STX2: variants seen among roughly 807,000 people sequenced by gnomAD.
The protein encoded by STX2 is syntaxin-2.
A neutral mutation model predicts 40.6 loss-of-function variants in STX2; 27 were observed. The ratio of observed to expected loss-of-function variants is 0.66; its 90% CI spans 0.49 to 0.92. STX2 has a LOEUF of 0.92. Among genes scored for constraint, STX2 ranks in the 40% least tolerant of loss-of-function variants. STX2 has a pLI of 0.00. For missense variants in STX2, 328 were observed against 366.1 expected (o/e 0.90, Z 0.85); for synonymous variants, 123 against 119.1 (o/e 1.03, Z -0.22).
intron 9 of STX2, among the ~76,000 whole-genome samples, chr12:130,797,440 G>A (rs1951064322): frequency 6.6e-6 from 1 of 152,180 alleles, no homozygotes; most frequent in Non-Finnish European, 1.5e-5. Flanking sequence ...AGCATACTTA[G>A]ACATACCCAG....
chr12:130,811,981 G>A (rs917751449), intron 4 of STX2, among the ~76,000 whole-genome samples: 10 of 152,194 alleles, frequency 6.6e-5, no homozygotes, highest in Non-Finnish European at 1.5e-4. Context: ...AAATTCAGAG[G>A]ACGGCAGAGC....
At chr12:130,828,472 T>C (rs1952414882) in intron 1 of STX2, among the ~76,000 whole-genome samples, 2 of 143,918 alleles carry the variant, frequency 1.4e-5, no homozygotes, top group South Asian at 4.6e-4. Flanking sequence ...ACTCCTGAGC[T>C]CATGCAATCC....
chr12:130,796,051 C>T lies in STX2; in HGVS notation c.856G>A (p.Val286Ile). The T allele has an allele frequency of 1.2e-6, 2 of 1,614,184 alleles. No individual in the cohort carries two copies. Among genetic ancestry groups the T allele is most frequent in the Non-Finnish European group, 1.7e-6 (2 of 1,180,034 alleles). Residue 286 changes from valine (V) to isoleucine (I), a missense_variant, in exon 10 of 11, where the codon GTT becomes ATT. Val to Ile is a conservative substitution (Grantham distance 29). Coordinates refer to ENST00000392373, the MANE Select transcript of STX2 (RefSeq NM_194356.4). ...CGTTATCCACACCATCATTTGCCAACTGACAAGCCAATAATTAGAGCGATT... is the reference window on the plus strand; with the variant it reads ...CGTTATCCACACCATCATTTGCCAATTGACAAGCCAATAATTAGAGCGATT... ...AIIALIIGLS[V>I]GK
At chr12:130,799,570 C>T (rs987656198) in intron 8 of STX2, among the ~76,000 whole-genome samples, 1 of 152,062 alleles carries the variant, frequency 6.6e-6, no homozygotes, top group Admixed American at 6.5e-5. Flanking sequence ...TGAATGGCAA[C>T]GGGGCCCCCA....
intron 10 of STX2, among the ~76,000 whole-genome samples, chr12:130,795,528 T>C (rs1951001315): frequency 6.6e-6 from 1 of 152,170 alleles, no homozygotes; most frequent in Admixed American, 6.5e-5. Flanking sequence ...GGGCCAGGAA[T>C]TCGAGACCAG....
intron 6 of STX2, among the ~76,000 whole-genome samples, chr12:130,802,262 G>A (rs7971046): frequency 0.56 from 85,263 of 151,944 alleles, 26,383 homozygotes; most frequent in East Asian, 0.87. Flanking sequence ...CAGGGGCACC[G>A]TCGCAGCTCA....
At position 130,793,001 on chromosome 12, in the gene STX2, C is replaced by T. The variant is rs148144422; in HGVS notation, c.*46-1024G>A. ...AAGGAAGACACAACAGGAGGCACCG[C>T]GCTGTAGGACTTTGAGTTCTCTTTT... On this transcript the variant is annotated intron_variant, in intron 10 of 10. Coordinates refer to ENST00000392373, the MANE Select transcript of STX2 (RefSeq NM_194356.4). Among the ~76,000 whole-genome samples the T allele has an allele frequency of 8.2e-4, 125 of 152,296 alleles. 1 individual carries two copies. Among genetic ancestry groups the T allele is most frequent in the African/African-American group, 2.8e-3 (117 of 41,558 alleles).
At chr12:130,811,689 G>A (rs567692668) in intron 4 of STX2, among the ~76,000 whole-genome samples, 52 of 151,928 alleles carry the variant, frequency 3.4e-4, no homozygotes, top group African/African-American at 1.2e-3. Flanking sequence ...ACAGGCACCC[G>A]CCACTGCGCC....
At chr12:130,814,957 G>C (rs1313535495) in intron 3 of STX2, among the ~76,000 whole-genome samples, 1 of 152,172 alleles carries the variant, frequency 6.6e-6, no homozygotes, top group East Asian at 1.9e-4. Context: ...TTTTAAGCAA[G>C]GCACAGTGGC....
intron 4 of STX2, chr12:130,812,599 C>CA: frequency 4.0e-6 from 1 of 249,748 alleles, no homozygotes; most frequent in Non-Finnish European, 7.8e-6. Context: ...ATAAGCCTCC[C>CA]AAAAAACTAC....
intron 3 of STX2, among the ~76,000 whole-genome samples, chr12:130,818,161 C>A (rs866078361): frequency 1.6e-5 from 1 of 61,908 alleles, no homozygotes. Context: ...GTGAGAAACG[C>A]TGTTTCTACA....
intron 6 of STX2, among the ~76,000 whole-genome samples, chr12:130,803,748 G>C (rs549041046): frequency 6.7e-6 from 1 of 149,772 alleles, no homozygotes; most frequent in Non-Finnish European, 1.5e-5. Context: ...CCGGCTAACT[G>C]CTAAGTCTAA....
At chr12:130,832,731 C>A (rs971419338) in intron 1 of STX2, among the ~76,000 whole-genome samples, 4 of 152,216 alleles carry the variant, frequency 2.6e-5, no homozygotes, top group African/African-American at 7.2e-5. Context: ...GATCTCGCTC[C>A]AGCCAACCTC....
chr12:130,792,202 A>G (rs1593102587), intron 10 of STX2, among the ~76,000 whole-genome samples: 4 of 152,272 alleles, frequency 2.6e-5, no homozygotes, highest in East Asian at 1.9e-4. Flanking sequence ...CTGGGACTAC[A>G]GGAACCCGCC....
At chr12:130,816,082 C>CA (rs1450076584) in intron 3 of STX2, among the ~76,000 whole-genome samples, 11 of 152,154 alleles carry the variant, frequency 7.2e-5, no homozygotes, top group Non-Finnish European at 4.4e-5. Flanking sequence ...CAAACACCCC[C>CA]AAGGCCTGGC....
intron 3 of STX2, among the ~76,000 whole-genome samples, chr12:130,818,549 C>T (rs2136309101): frequency 6.6e-6 from 1 of 152,270 alleles, no homozygotes; most frequent in African/African-American, 2.4e-5. Flanking sequence ...GCCACAGAGG[C>T]GCGGCTTCCT....
intron 2 of STX2, among the ~76,000 whole-genome samples, chr12:130,824,981 G>A (rs961270663): frequency 3.3e-5 from 5 of 151,604 alleles, no homozygotes; most frequent in African/African-American, 7.3e-5. Context: ...ACTGGCACCA[G>A]ATAGACAAAG....
intron 2 of STX2, among the ~76,000 whole-genome samples, chr12:130,825,113 T>C (rs929275014): frequency 6.6e-6 from 1 of 151,110 alleles, no homozygotes; most frequent in Non-Finnish European, 1.5e-5. Context: ...CTCAGCTCAC[T>C]GCAACCTCCG....
chr12:130,813,852 C>T (rs1026828288), intron 3 of STX2, among the ~76,000 whole-genome samples: 2 of 152,238 alleles, frequency 1.3e-5, no homozygotes, highest in African/African-American at 2.4e-5. Flanking sequence ...AGGCCCCCGC[C>T]CCGTCTCTGG....
Sources: gnomAD v4.1 joint callset for allele counts (sites outside exome capture counted in the v4.1 genomes callset) on GRCh38, gnomAD v4.1.1 for gene constraint, MANE v1.5 for transcripts, NCBI Gene and HGNC (gene_info 2026-07-23, HGNC 2026-07-21) for gene names.